The following FARS2 variants were observed in gnomAD, a reference collection of about 807,000 sequenced individuals.
The protein encoded by FARS2 is phenylalanyl-tRNA synthetase 2, mitochondrial, also known as phenylalanine--tRNA ligase, mitochondrial.
In FARS2, 40 loss-of-function variants were observed where a neutral mutation model predicts 46.4. That is an observed-to-expected ratio of 0.86 (90% CI 0.67 to 1.12). The LOEUF (loss-of-function observed/expected upper bound fraction) is 1.12. Among genes scored for constraint, FARS2 ranks in the 50% most tolerant of loss-of-function variants. The probability of loss-of-function intolerance (pLI) is 0.00; values close to 1 mark genes in which losing one functional copy is unlikely to be tolerated. For missense variants in FARS2, 513 were observed against 567.9 expected, an observed-to-expected ratio of 0.90 and a Z score of 0.98; for synonymous variants, 234 against 214.9, an observed-to-expected ratio of 1.09 and a Z score of -0.78.
At chr6:5,647,740 G>A (rs998180199) in intron 6 of FARS2, among the ~76,000 whole-genome samples, 2 of 152,196 alleles carry the variant, frequency 1.3e-5, no homozygotes, top group Non-Finnish European at 2.9e-5. Context: ...AACAAAGACA[G>A]GTTAAATGCA....
At chr6:5,381,893 C>G (rs751522600) in intron 2 of FARS2, among the ~76,000 whole-genome samples, 34 of 152,300 alleles carry the variant, frequency 2.2e-4, no homozygotes, top group Non-Finnish European at 3.5e-4. Flanking sequence ...TGGAAAGTCT[C>G]TCTCCGAGGG....
intron 5 of FARS2, among the ~76,000 whole-genome samples, chr6:5,593,186 G>A (rs1029231164): frequency 1.3e-5 from 2 of 152,104 alleles, no homozygotes; most frequent in African/African-American, 2.4e-5. Flanking sequence ...GGATCCTGCC[G>A]ACCGTGAGTG....
intron 3 of FARS2, among the ~76,000 whole-genome samples, chr6:5,416,416 G>A (rs1482757241): frequency 4.6e-5 from 7 of 152,054 alleles, no homozygotes; most frequent in African/African-American, 1.2e-4. Flanking sequence ...CAAAGTCTTC[G>A]TACCATTGTC....
chr6:5,340,001 A>G (rs72815643), intron 1 of FARS2, among the ~76,000 whole-genome samples: 13,374 of 152,258 alleles, frequency 0.088, 798 homozygotes, highest in Non-Finnish European at 0.13. Context: ...TTATGTGGCT[A>G]TGGGTGGTTG....
chr6:5,489,412 C>A (rs10223725), intron 4 of FARS2, among the ~76,000 whole-genome samples: 2 of 152,160 alleles, frequency 1.3e-5, no homozygotes, highest in African/African-American at 4.8e-5. Flanking sequence ...TGAGATGGCA[C>A]CACTGCACTC....
At chr6:5,367,340 A>G (rs1183662921) in intron 1 of FARS2, among the ~76,000 whole-genome samples, 1 of 152,192 alleles carries the variant, frequency 6.6e-6, no homozygotes. Flanking sequence ...AGAATTCCAC[A>G]TTTTAGAAGA....
At chr6:5,355,368 C>CTTTTTT (rs200590190) in intron 1 of FARS2, among the ~76,000 whole-genome samples, 5 of 142,470 alleles carry the variant, frequency 3.5e-5, no homozygotes, top group African/African-American at 5.1e-5. Flanking sequence ...TTAGGTTTTC[C>CTTTTTT]TTTTTGTTTT....
intron 6 of FARS2, among the ~76,000 whole-genome samples, chr6:5,671,437 C>T (rs1778454459): frequency 1.3e-5 from 2 of 152,232 alleles, no homozygotes; most frequent in South Asian, 4.1e-4. Context: ...TGGGGCTCTG[C>T]TCAGTTCTCT....
At chr6:5,399,125 ATTTTATTAT>A (rs1265191068) in intron 2 of FARS2, among the ~76,000 whole-genome samples, 18 of 135,352 alleles carry the variant, frequency 1.3e-4, no homozygotes, top group Admixed American at 1.6e-4. Flanking sequence ...ATTTTATATT[ATTTTATTAT>A]TATTATTATT....
intron 3 of FARS2, among the ~76,000 whole-genome samples, chr6:5,409,857 C>A (rs895221576): frequency 6.6e-6 from 1 of 152,160 alleles, no homozygotes; most frequent in Non-Finnish European, 1.5e-5. Flanking sequence ...GTGTTTCTGC[C>A]GGTTGTGTTG....
intron 6 of FARS2, among the ~76,000 whole-genome samples, chr6:5,658,386 T>C (rs1195769635): frequency 6.6e-6 from 1 of 152,210 alleles, no homozygotes; most frequent in East Asian, 1.9e-4. Context: ...TAACACATAA[T>C]CTTTCCAAGA....
intron 4 of FARS2, among the ~76,000 whole-genome samples, chr6:5,433,054 T>C (rs2127772940): frequency 1.3e-5 from 2 of 152,220 alleles, no homozygotes; most frequent in Middle Eastern, 6.8e-3. Flanking sequence ...AGTTTTAAAA[T>C]AGGTGAAGAG....
chr6:5,442,818 C>T (rs948515735), intron 4 of FARS2, among the ~76,000 whole-genome samples: 15 of 152,136 alleles, frequency 9.9e-5, no homozygotes, highest in African/African-American at 3.6e-4. Flanking sequence ...TTATGTCCTC[C>T]TATGTTTTTT....
chr6:5,522,405 C>G (rs1769197878), intron 4 of FARS2, among the ~76,000 whole-genome samples: 1 of 152,242 alleles, frequency 6.6e-6, no homozygotes, highest in Admixed American at 6.5e-5. Flanking sequence ...ACAGCATCTT[C>G]TCTCATGTAG....
intron 4 of FARS2, among the ~76,000 whole-genome samples, chr6:5,496,531 C>G (rs1767475330): frequency 1.3e-5 from 2 of 152,070 alleles, no homozygotes; most frequent in Non-Finnish European, 2.9e-5. Context: ...TTTATTTTCT[C>G]ATAGTTCTGG....
At chr6:5,740,279 G>A (rs138140955) in intron 6 of FARS2, among the ~76,000 whole-genome samples, 3 of 152,182 alleles carry the variant, frequency 2.0e-5, no homozygotes, top group Admixed American at 2.0e-4. Context: ...ACACGAGAAA[G>A]TTTCAGCTGT....
chr6:5,260,921 C>A, upstream of FARS2: 1 of 1,365,688 alleles, frequency 7.3e-7, no homozygotes, highest in Non-Finnish European at 9.4e-7. Context: ...GCGTCCCGCG[C>A]CGCTTCGGGG....
At chr6:5,678,359 A>G (rs1344256833) in intron 6 of FARS2, among the ~76,000 whole-genome samples, 1 of 152,124 alleles carries the variant, frequency 6.6e-6, no homozygotes. Flanking sequence ...TTGGGAGGAA[A>G]GGTGGATGGG....
chr6:5,687,963 T>C (rs1285225696), intron 6 of FARS2, among the ~76,000 whole-genome samples: 1 of 152,226 alleles, frequency 6.6e-6, no homozygotes, highest in Non-Finnish European at 1.5e-5. Context: ...TTTGAAGCAA[T>C]TGTGAATGGG....
Sources: allele counts gnomAD v4.1 joint callset (sites outside exome capture counted in the v4.1 genomes callset), GRCh38; gene constraint gnomAD v4.1.1; transcripts MANE v1.5; gene names NCBI Gene and HGNC (gene_info 2026-07-23, HGNC 2026-07-21).